The following OSBPL6 variants were observed in gnomAD, a reference collection of about 807,000 sequenced individuals.
OSBPL6 encodes the protein oxysterol binding protein like 6.
OSBPL6 carries 49 observed loss-of-function variants against 125.8 expected under a neutral mutation model. The ratio of observed to expected loss-of-function variants is 0.39; its 90% CI spans 0.31 to 0.49. The LOEUF (loss-of-function observed/expected upper bound fraction) is 0.49, where lower values mean the gene tolerates loss of function less well. Ranked by LOEUF, OSBPL6 falls within the 20% of genes least tolerant of loss-of-function variation. The pLI is 0.88. For synonymous variants in OSBPL6, 394 were observed against 391.8 expected, an observed-to-expected ratio of 1.01 and a Z score of -0.07; for missense variants, 986 against 1,135.4, an observed-to-expected ratio of 0.87 and a Z score of 1.89.
intron 18 of OSBPL6, 70 bp downstream of exon 18, chr2:178,384,246 T>C (rs1694739788): frequency 6.5e-7 from 1 of 1,544,220 alleles, no homozygotes; most frequent in Non-Finnish European, 8.9e-7. Context: ...AAGCACCATT[T>C]CGATAACAAT....
intron 2 of OSBPL6, among the ~76,000 whole-genome samples, chr2:178,289,040 CAG>C (rs1434732377): frequency 1.6e-5 from 2 of 122,564 alleles, no homozygotes; most frequent in African/African-American, 6.3e-5. Flanking sequence ...TTTTTTGAGA[CAG>C]AGTCTCGCTC....
At chr2:178,201,041 A>G (rs566958607) in intron 1 of OSBPL6, among the ~76,000 whole-genome samples, 18 of 152,126 alleles carry the variant, frequency 1.2e-4, no homozygotes, top group East Asian at 7.8e-4. Flanking sequence ...TGATCTGCCC[A>G]CCTCAGCCTC....
intron 1 of OSBPL6, among the ~76,000 whole-genome samples, chr2:178,265,191 CT>C (rs376718500): frequency 8.9e-5 from 3 of 33,732 alleles, no homozygotes; most frequent in Admixed American, 1.7e-4. Flanking sequence ...CCAGACGAGA[CT>C]TTTTTTTTTT....
At chr2:178,348,126 G>C (rs1251400954) in intron 11 of OSBPL6, among the ~76,000 whole-genome samples, 1 of 152,100 alleles carries the variant, frequency 6.6e-6, no homozygotes, top group Non-Finnish European at 1.5e-5. Context: ...TCACCAAATA[G>C]GAAGTTTAAA....
intron 1 of OSBPL6, among the ~76,000 whole-genome samples, chr2:178,225,346 G>A (rs553447333): frequency 3.8e-4 from 58 of 152,258 alleles, no homozygotes; most frequent in Non-Finnish European, 6.0e-4. Context: ...GCAGATCTCA[G>A]ACTGAGTATA....
At chr2:178,252,985 A>C (rs1203465791) in intron 1 of OSBPL6, among the ~76,000 whole-genome samples, 2 of 152,056 alleles carry the variant, frequency 1.3e-5, no homozygotes, top group Non-Finnish European at 2.9e-5. Flanking sequence ...ACTAGACAGA[A>C]TCTATAGAAG....
intron 12 of OSBPL6, among the ~76,000 whole-genome samples, chr2:178,353,157 T>A (rs1574947958): frequency 2.6e-5 from 4 of 152,292 alleles, no homozygotes; most frequent in South Asian, 4.1e-4. Flanking sequence ...GCAGAAAAGC[T>A]GAAAATTCTA....
chr2:178,311,158 C>T (rs1163767580), intron 3 of OSBPL6, among the ~76,000 whole-genome samples: 7 of 152,164 alleles, frequency 4.6e-5, no homozygotes, highest in Non-Finnish European at 8.8e-5. Flanking sequence ...GCCCTCTGAG[C>T]GCATACCATG....
At position 178,295,804 on chromosome 2, in the gene OSBPL6, A is replaced by T. The variant is rs115708230; in HGVS notation, c.-155-10226A>T. Among the ~76,000 whole-genome samples the T allele has an allele frequency of 6.7e-3, 1,022 of 152,162 alleles. 11 individuals carry two copies. Among genetic ancestry groups the T allele is most frequent in the African/African-American group, 0.024 (985 of 41,562 alleles). On this transcript the variant is annotated intron_variant, in intron 2 of 24. Coordinates refer to ENST00000190611, the MANE Select transcript of OSBPL6 (RefSeq NM_032523.4). ...ATTTAAAGATTAATTATAATAAAAAATTAATGGAGGTACTGTGTTTATAAG... is the reference window on the plus strand; with the variant it reads ...ATTTAAAGATTAATTATAATAAAAATTTAATGGAGGTACTGTGTTTATAAG...
At chr2:178,311,702 C>T (rs1420258011) in intron 3 of OSBPL6, among the ~76,000 whole-genome samples, 2 of 152,144 alleles carry the variant, frequency 1.3e-5, no homozygotes, top group African/African-American at 4.8e-5. Flanking sequence ...GAGATGACAA[C>T]AGGGAGAGAT....
intron 11 of OSBPL6, among the ~76,000 whole-genome samples, chr2:178,346,260 T>C (rs1690703516): frequency 6.6e-6 from 1 of 152,110 alleles, no homozygotes; most frequent in Admixed American, 6.5e-5. Context: ...ACACTGAGGA[T>C]CCCAATGCAG....
intron 1 of OSBPL6, among the ~76,000 whole-genome samples, chr2:178,275,430 T>C (rs1292678011): frequency 6.6e-6 from 1 of 152,292 alleles, no homozygotes; most frequent in East Asian, 1.9e-4. Flanking sequence ...GAGAATCTCT[T>C]GAACCCGGAA....
intron 1 of OSBPL6, among the ~76,000 whole-genome samples, chr2:178,202,681 G>T (rs186181129): frequency 6.6e-6 from 1 of 152,012 alleles, no homozygotes; most frequent in African/African-American, 2.4e-5. Flanking sequence ...AATTGGCCGG[G>T]CGTGGTGGTG....
chr2:178,256,733 C>T (rs1048477853), intron 1 of OSBPL6, among the ~76,000 whole-genome samples: 3 of 152,300 alleles, frequency 2.0e-5, no homozygotes, highest in Non-Finnish European at 4.4e-5. Flanking sequence ...AAATACTTTA[C>T]CTAAGTGATT....
At chr2:178,375,749 A>G (rs1693819102) in intron 15 of OSBPL6, among the ~76,000 whole-genome samples, 1 of 152,152 alleles carries the variant, frequency 6.6e-6, no homozygotes, top group African/African-American at 2.4e-5. Context: ...GTCAGGTTAC[A>G]GTCAGACTTG....
At chr2:178,252,944 C>G (rs1223942522) in intron 1 of OSBPL6, among the ~76,000 whole-genome samples, 2 of 152,152 alleles carry the variant, frequency 1.3e-5, no homozygotes, top group Non-Finnish European at 2.9e-5. Flanking sequence ...ACTGTTTTCT[C>G]TGCCGCTCTT....
chr2:178,245,915 CTGA>C (rs1377804403), intron 1 of OSBPL6, among the ~76,000 whole-genome samples: 1 of 152,142 alleles, frequency 6.6e-6, no homozygotes, highest in Non-Finnish European at 1.5e-5. Context: ...AAGGGAAAGG[CTGA>C]TGTTTGTGTG....
chr2:178,280,274 A>G (rs990791554), intron 1 of OSBPL6, among the ~76,000 whole-genome samples: 2 of 152,220 alleles, frequency 1.3e-5, no homozygotes, highest in African/African-American at 4.8e-5. Context: ...CTAAAATAAT[A>G]TATGTCACCT....
chr2:178,335,659 T>A (rs12464536), intron 8 of OSBPL6, among the ~76,000 whole-genome samples: 3,892 of 152,338 alleles, frequency 0.026, 236 homozygotes, highest in East Asian at 0.22. Context: ...TTTTTAAGAA[T>A]TAAGTTTCTT....
Sources: gnomAD v4.1 joint callset for allele counts (sites outside exome capture counted in the v4.1 genomes callset) on GRCh38, gnomAD v4.1.1 for gene constraint, MANE v1.5 for transcripts, NCBI Gene and HGNC (gene_info 2026-07-23, HGNC 2026-07-21) for gene names.